PTPRA: variants seen among roughly 807,000 people sequenced by gnomAD.
The protein encoded by PTPRA is protein tyrosine phosphatase receptor type A, also known as receptor-type tyrosine-protein phosphatase alpha.
Under a neutral mutation model 104.8 loss-of-function variants are expected in PTPRA, and 25 were observed. The observed-to-expected ratio is 0.24, with a 90% confidence interval of 0.17 to 0.33. The LOEUF (loss-of-function observed/expected upper bound fraction) is 0.33. Among genes scored for constraint, PTPRA ranks in the 10% least tolerant of loss-of-function variants. The pLI is 1.00. For missense variants in PTPRA, 765 were observed against 1,015.3 expected, an observed-to-expected ratio of 0.75 and a Z score of 3.35; for synonymous variants, 323 against 368.9, an observed-to-expected ratio of 0.88 and a Z score of 1.43.
intron 11 of PTPRA, 53 bp from the exon 12 acceptor site, chr20:3,015,796 T>G (rs2064414322): frequency 4.8e-6 from 7 of 1,443,618 alleles, no homozygotes; most frequent in Non-Finnish European, 6.8e-6. Context: ...AGAATTTCAT[T>G]TCTATTCATT....
intron 6 of PTPRA, among the ~76,000 whole-genome samples, chr20:2,976,233 C>G (rs2062426990): frequency 6.6e-6 from 1 of 152,182 alleles, no homozygotes; most frequent in Non-Finnish European, 1.5e-5. Context: ...CTTTGCTGTT[C>G]AGATTCACTT....
intron 1 of PTPRA, among the ~76,000 whole-genome samples, chr20:2,879,269 G>C (rs897792134): frequency 1.2e-4 from 18 of 152,352 alleles, no homozygotes; most frequent in African/African-American, 3.8e-4. Flanking sequence ...TCGCTAACTT[G>C]AATGTGCTCA....
At chr20:2,969,316 C>T (rs2062068825) in intron 5 of PTPRA, among the ~76,000 whole-genome samples, 2 of 151,360 alleles carry the variant, frequency 1.3e-5, no homozygotes, top group Admixed American at 1.3e-4. Context: ...GGCGCAGTCT[C>T]GGCATACTGC....
chr20:2,905,649 C>T (rs527272247), intron 1 of PTPRA, among the ~76,000 whole-genome samples: 260 of 144,316 alleles, frequency 1.8e-3, no homozygotes, highest in African/African-American at 5.9e-3. Flanking sequence ...TAATTGTGGG[C>T]GTGAATATTT....
chr20:2,958,237 T>C (rs566081074), intron 3 of PTPRA, among the ~76,000 whole-genome samples: 6 of 151,748 alleles, frequency 4.0e-5, no homozygotes, highest in Non-Finnish European at 8.8e-5. Flanking sequence ...GAAAGTGTGG[T>C]TGGAGAGTGG....
Position 2,988,399 on chromosome 20 carries a change from G to C in PTPRA, c.663G>C (p.Leu221=). ...GCACCAACAGGAAATACCCACCCCTGCCCGTGGACAAGCTGGAAGAGGAAA... is the reference window on the plus strand; with the variant it reads ...GCACCAACAGGAAATACCCACCCCTCCCCGTGGACAAGCTGGAAGAGGAAA... ...SPSTNRKYPP[L]PVDKLEEEIN... Residue 221 remains leucine (L), a synonymous_variant, in exon 9 of 24, where the codon CTG becomes CTC. Coordinates refer to ENST00000399903, the MANE Select transcript of PTPRA (RefSeq NM_001385305.1). 6.2e-7 allele frequency: 1 copy of C among 1,613,106 alleles called. No individual in the cohort carries two copies. The highest frequency in any genetic ancestry group is 8.5e-7 in the Non-Finnish European group (1 of 1,179,830).
chr20:2,925,031 AATATAT>A (rs1476392262), intron 2 of PTPRA, among the ~76,000 whole-genome samples: 2 of 152,120 alleles, frequency 1.3e-5, no homozygotes, highest in African/African-American at 2.4e-5. Flanking sequence ...CTCATGGTAA[AATATAT>A]ATAAGATTAA....
intron 2 of PTPRA, among the ~76,000 whole-genome samples, chr20:2,932,994 T>C (rs1298893346): frequency 6.6e-6 from 1 of 152,240 alleles, no homozygotes; most frequent in Non-Finnish European, 1.5e-5. Context: ...CTGAGGTTTC[T>C]GGTTTTATTG....
At chr20:3,000,130 CA>C (rs949393225) in intron 9 of PTPRA, among the ~76,000 whole-genome samples, 2 of 151,436 alleles carry the variant, frequency 1.3e-5, no homozygotes, top group African/African-American at 4.9e-5. Context: ...CAAAAAAATA[CA>C]AAAAAAATTA....
In PTPRA at chr20:2,916,418, A is replaced by G. The variant is rs2059906204; in HGVS notation, c.-128-6789A>G. On this transcript the variant is annotated intron_variant, in intron 1 of 23. Transcript: ENST00000399903. The stretch of plus-strand genomic sequence containing the variant: ...GTGAATATCCAGTTGTCCCAGTGCC[A>G]TTTGTTGAAGAGCCTGTTCTTTCCC... Among the ~76,000 whole-genome samples the G allele has an allele frequency of 2.0e-5, 3 of 152,300 alleles. No homozygotes were observed. In the South Asian group the frequency reaches 6.2e-4, roughly 32 times the overall value.
chr20:2,956,244 A>T (rs560595125), intron 3 of PTPRA, among the ~76,000 whole-genome samples: 5 of 152,280 alleles, frequency 3.3e-5, no homozygotes, highest in South Asian at 4.1e-4. Flanking sequence ...TCTAAAATCT[A>T]AATTGTTCCA....
rs547193694 is a variant in PTPRA at position 2,962,064 on chromosome 20, C to T, written c.-6-2208C>T. Among the ~76,000 whole-genome samples the T allele has an allele frequency of 5.9e-5, 9 of 152,164 alleles. 1 individual carries two copies. The highest frequency in any genetic ancestry group is 2.2e-4 in the African/African-American group (9 of 41,510). On this transcript the variant is annotated intron_variant, in intron 3 of 23. Coordinates refer to ENST00000399903, the MANE Select transcript of PTPRA (RefSeq NM_001385305.1). ...TGACTCTTCTTTAATATTGAGTTGC[C>T]CCTTCAGAATCTTAATGTCTCTCCA...
upstream of PTPRA, among the ~76,000 whole-genome samples, chr20:2,869,799 C>T (rs892068916): frequency 2.0e-5 from 3 of 151,870 alleles, no homozygotes; most frequent in African/African-American, 7.3e-5. Flanking sequence ...AACCCTGTCT[C>T]TAGTAAAAAT....
intron 6 of PTPRA, among the ~76,000 whole-genome samples, chr20:2,981,395 C>T (rs151099287): frequency 2.0e-5 from 3 of 152,052 alleles, no homozygotes; most frequent in African/African-American, 7.2e-5. Context: ...GGCTATTTCC[C>T]CCACAAAGGC....
chr20:2,864,689 G>A, the PTPRA span: 2 of 1,601,210 alleles, frequency 1.2e-6, no homozygotes, highest in East Asian at 2.2e-5. This position sits in a 1 kb window ranked among gnomAD's most constrained non-coding sequence, Gnocchi z 5.2. Flanking sequence ...GGCGTGTGGG[G>A]CATGTGGGCT....
At chr20:2,892,434 C>T (rs933883316) in intron 1 of PTPRA, among the ~76,000 whole-genome samples, 5 of 151,998 alleles carry the variant, frequency 3.3e-5, no homozygotes, top group African/African-American at 4.8e-5. Flanking sequence ...GTGTGATATA[C>T]GTATTCAGTA....
chr20:2,992,182 G>A (rs1056669099), intron 9 of PTPRA, among the ~76,000 whole-genome samples: 1 of 152,198 alleles, frequency 6.6e-6, no homozygotes, highest in Non-Finnish European at 1.5e-5. Context: ...ATGGGATTCT[G>A]CTGGGCATGT....
intron 1 of PTPRA, among the ~76,000 whole-genome samples, chr20:2,914,739 C>T (rs565790577): frequency 6.6e-6 from 1 of 152,250 alleles, no homozygotes; most frequent in African/African-American, 2.4e-5. Flanking sequence ...GAAAAAAGTA[C>T]GGTTGATGCT....
chr20:3,027,614 A>C (rs1355761674), intron 19 of PTPRA, 93 bp from the exon 20 acceptor site: 2 of 1,493,016 alleles, frequency 1.3e-6, no homozygotes, highest in East Asian at 4.5e-5. Flanking sequence ...TTTGCCTCCG[A>C]GCAGTCCCCA....
Sources: allele counts gnomAD v4.1 joint callset (sites outside exome capture counted in the v4.1 genomes callset), GRCh38; gene constraint gnomAD v4.1.1; non-coding constraint Gnocchi (gnomAD v3.1); transcripts MANE v1.5; gene names NCBI Gene and HGNC (gene_info 2026-07-23, HGNC 2026-07-21).